The following RPS11 variants were observed in gnomAD, a reference collection of about 807,000 sequenced individuals.
RPS11 encodes small ribosomal subunit protein uS17.
For missense variants in RPS11, 127 were observed against 211.4 expected (o/e 0.60, Z 2.48); for synonymous variants, 107 against 78.0 (o/e 1.37, Z -1.96).
At chr19:49,499,481 C>T (rs2079923895) in intron 4 of RPS11, 31 bp from the exon 5 acceptor site, 1 of 1,605,888 alleles carries the variant, frequency 6.2e-7, no homozygotes, top group Non-Finnish European at 8.5e-7. Context: ...GGTGGCCCCT[C>T]CTGAGGACAT....
intron 1 of RPS11, 74 bp downstream of exon 1, chr19:49,496,545 C>A: frequency 1.3e-6 from 2 of 1,487,536 alleles, no homozygotes; most frequent in Non-Finnish European, 1.8e-6. Flanking sequence ...GAGGGCAGAG[C>A]CCGGCGGCCA....
intron 1 of RPS11, 107 bp downstream of exon 1, chr19:49,496,578 G>A: frequency 5.0e-6 from 6 of 1,211,244 alleles, no homozygotes; most frequent in Non-Finnish European, 4.6e-6. Context: ...AATTCCGGGC[G>A]TCCGTGATTA....
At position 49,496,443 on chromosome 19, in the gene RPS11, A is replaced by T. The variant is rs746363882; in HGVS notation, c.-14A>T. The T allele has an allele frequency of 1.2e-6, 2 of 1,611,860 alleles. No individual in the cohort carries two copies. Among genetic ancestry groups the T allele is most frequent in the South Asian group, 2.2e-5 (2 of 91,004 alleles). On this transcript the variant is annotated 5_prime_UTR_variant, in exon 1 of 5. Coordinates refer to ENST00000270625, the MANE Select transcript of RPS11 (RefSeq NM_001015.5). ...ACGCTGCTGCCCCTTTCTTTTTTTCAGGCGGCCGGGAAGATGGCGGACATT... is the reference window on the plus strand; with the variant it reads ...ACGCTGCTGCCCCTTTCTTTTTTTCTGGCGGCCGGGAAGATGGCGGACATT...
At chr19:49,499,288 G>A (rs902647133) in intron 4 of RPS11, among the ~76,000 whole-genome samples, 3 of 152,196 alleles carry the variant, frequency 2.0e-5, no homozygotes, top group Non-Finnish European at 4.4e-5. Flanking sequence ...CCACCCCAGC[G>A]GTCCTCGGAG....
chr19:49,497,621 G>A, intron 3 of RPS11, 26 bp downstream of exon 3: 1 of 1,602,430 alleles, frequency 6.2e-7, no homozygotes, highest in Non-Finnish European at 8.6e-7. Context: ...ACTGGTGTCT[G>A]GGGCCTGAAA....
rs779043839 is a variant in RPS11 at position 49,496,442 on chromosome 19, C to T, written c.-15C>T. 1.9e-6 allele frequency: 3 copies of T among 1,612,000 alleles called. No individual in the cohort carries two copies. In the African/African-American group the frequency reaches 4.0e-5, roughly 22 times the overall value. On this transcript the variant is annotated 5_prime_UTR_variant, in exon 1 of 5. Transcript: ENST00000270625. ...GACGCTGCTGCCCCTTTCTTTTTTT[C>T]AGGCGGCCGGGAAGATGGCGGACAT...
rs781409215 is a variant in RPS11 at position 49,499,472 on chromosome 19, G to T, written c.354-40G>T. 5.6e-6 allele frequency: 9 copies of T among 1,594,836 alleles called. No homozygotes were observed. In the African/African-American group the frequency reaches 6.7e-5, roughly 12 times the overall value. On this transcript the variant is annotated intron_variant, in intron 4 of 4. Transcript: ENST00000270625. Reference sequence around the variant, plus strand: ...GGAGGGCCTCCTGGGGTCTGCTGGGGTGGCCCCTCCTGAGGACATGGCCCT... The same window carrying T: ...GGAGGGCCTCCTGGGGTCTGCTGGGTTGGCCCCTCCTGAGGACATGGCCCT...
intron 1 of RPS11, 171 bp from the exon 2 acceptor site, chr19:49,497,023 C>G: frequency 1.5e-6 from 1 of 659,094 alleles, no homozygotes; most frequent in South Asian, 2.0e-5. Flanking sequence ...CAGGTAAGGT[C>G]AGGGTGGTCA....
chr19:49,496,501 C>CG, intron 1 of RPS11, 30 bp downstream of exon 1: 1 of 1,602,350 alleles, frequency 6.2e-7, no homozygotes, highest in Non-Finnish European at 8.5e-7. Context: ...TGCCAGGGTG[C>CG]GGGGTCCGCC....
chr19:49,497,357 C>A (rs764566727), intron 2 of RPS11, 32 bp downstream of exon 2: 2 of 1,613,286 alleles, frequency 1.2e-6, no homozygotes, highest in South Asian at 1.1e-5. Context: ...AGAAGGGGAA[C>A]CTGGCGTTCC....
In RPS11 at chr19:49,497,250, G is replaced by C; in HGVS notation, c.72G>C (p.Leu24=). Residue 24 remains leucine, a synonymous_variant, in exon 2 of 5, where the codon CTG becomes CTC. Coordinates refer to ENST00000270625, the MANE Select transcript of RPS11 (RefSeq NM_001015.5). ...TCTTTCAAAACAAGAAGAGGGTCCT[G>C]CTGGGAGAAACTGGCAAGGAGAAGC... ...PTIFQNKKRV[L]LGETGKEKLP... 1 of 1,614,124 alleles carries C rather than the reference G, an allele frequency of 6.2e-7. No homozygotes were observed. The highest frequency in any genetic ancestry group is 8.5e-7 in the Non-Finnish European group (1 of 1,180,012).
At chr19:49,497,448 AGGCCACGCCCCT>A (rs2079912260) in intron 2 of RPS11, 60 bp from the exon 3 acceptor site, 4 of 1,592,744 alleles carry the variant, frequency 2.5e-6, no homozygotes, top group Non-Finnish European at 3.4e-6. Flanking sequence ...TGCTTCCCTG[AGGCCACGCCCCT>A]GGCTCTTTTA....
intron 2 of RPS11, 85 bp from the exon 3 acceptor site, chr19:49,497,435 A>G (rs1212482475): frequency 2.5e-6 from 4 of 1,591,514 alleles, no homozygotes; most frequent in Non-Finnish European, 3.4e-6. Context: ...TGGGAATTGT[A>G]GTTGCTTCCC....
chr19:49,498,176 C>G (rs1484916692), intron 4 of RPS11, 130 bp downstream of exon 4: 9 of 999,130 alleles, frequency 9.0e-6, no homozygotes, highest in Admixed American at 5.7e-5. Context: ...CCCAGAATCT[C>G]AGGATTTGTA....
chr19:49,498,017 C>T lies in RPS11; in HGVS notation c.324C>T (p.Asn108=). ...KYNRFEKRHK[N]MSVHLSPCFR... is the part of the protein sequence containing the mutation. ...ACCGCTTCGAGAAGCGCCACAAGAA[C>T]ATGTCTGTACACCTGTCCCCCTGCT... The change falls in exon 4 of 5, where the codon AAC becomes AAT. Residue 108 remains asparagine (N), a synonymous_variant. Coordinates refer to ENST00000270625, the MANE Select transcript of RPS11 (RefSeq NM_001015.5). 1.2e-6 allele frequency: 2 copies of T among 1,613,110 alleles called. No homozygotes were observed. Among genetic ancestry groups the T allele is most frequent in the Non-Finnish European group, 1.7e-6 (2 of 1,180,010 alleles).
intron 4 of RPS11, 82 bp downstream of exon 4, chr19:49,498,128 T>C (rs739347): frequency 0.13 from 192,651 of 1,485,010 alleles, 21,393 homozygotes; most frequent in African/African-American, 0.59. Flanking sequence ...TAAGGCCAAC[T>C]GAGGGAGGGA....
chr19:49,498,207 CAA>C, intron 4 of RPS11, 161 bp downstream of exon 4: 1 of 753,644 alleles, frequency 1.3e-6, no homozygotes, highest in Non-Finnish European at 2.2e-6. Flanking sequence ...TCTTCAGAAT[CAA>C]AGCGTTCTAC....
chr19:49,498,078 C>G (rs769498281), intron 4 of RPS11, 32 bp downstream of exon 4: 1 of 1,610,856 alleles, frequency 6.2e-7, no homozygotes, highest in African/African-American at 1.3e-5. Flanking sequence ...GTTGCTCAGG[C>G]CACGCTCTCT....
At chr19:49,499,014 G>A (rs999255664) in intron 4 of RPS11, among the ~76,000 whole-genome samples, 7 of 152,236 alleles carry the variant, frequency 4.6e-5, no homozygotes, top group Admixed American at 2.0e-4. Context: ...GCACCTTCAA[G>A]CAGTGTGGGT....
Sources: gnomAD v4.1 joint callset for allele counts (sites outside exome capture counted in the v4.1 genomes callset) on GRCh38, gnomAD v4.1.1 for gene constraint, MANE v1.5 for transcripts, NCBI Gene and HGNC (gene_info 2026-07-23, HGNC 2026-07-21) for gene names.